ERC2: variants seen among roughly 807,000 people sequenced by gnomAD.
ERC2 encodes ERC protein 2.
Under a neutral mutation model 114.8 loss-of-function variants are expected in ERC2, and 42 were observed. That is an observed-to-expected ratio of 0.37 (90% CI 0.29 to 0.47). ERC2 has a LOEUF of 0.47. ERC2 is among the 20% of genes least tolerant of loss of function. The pLI, the probability that ERC2 is intolerant of heterozygous loss-of-function variation, is 0.99. For missense variants in ERC2, 939 were observed against 1,150.7 expected, an observed-to-expected ratio of 0.82 and a Z score of 2.66; for synonymous variants, 454 against 425.5, an observed-to-expected ratio of 1.07 and a Z score of -0.82.
At chr3:55,974,083 C>T (rs1449093114) in intron 12 of ERC2, among the ~76,000 whole-genome samples, 1 of 152,140 alleles carries the variant, frequency 6.6e-6, no homozygotes. Context: ...AGCACAGATC[C>T]TTTCTATCAG....
chr3:56,465,663 T>A (rs2063511560), intron 1 of ERC2, among the ~76,000 whole-genome samples: 1 of 152,244 alleles, frequency 6.6e-6, no homozygotes, highest in African/African-American at 2.4e-5. Context: ...TTCTTTTAAG[T>A]CATCATCATT....
chr3:56,319,370 G>A (rs1233433273), intron 2 of ERC2, among the ~76,000 whole-genome samples: 1 of 151,520 alleles, frequency 6.6e-6, no homozygotes, highest in Admixed American at 6.6e-5. Context: ...AGGACATTAC[G>A]CTAAATAAAA....
At chr3:56,282,699 C>A (rs1454394140) in intron 3 of ERC2, among the ~76,000 whole-genome samples, 1 of 152,048 alleles carries the variant, frequency 6.6e-6, no homozygotes, top group Non-Finnish European at 1.5e-5. Context: ...GCTGCTGCTG[C>A]TGATTTATGC....
intron 14 of ERC2, among the ~76,000 whole-genome samples, chr3:55,783,845 G>A: frequency 6.6e-6 from 1 of 152,170 alleles, no homozygotes. Flanking sequence ...TAAAAGGACG[G>A]GACAATAACC....
chr3:55,797,167 C>T (rs1191642284), intron 14 of ERC2, among the ~76,000 whole-genome samples: 1 of 152,082 alleles, frequency 6.6e-6, no homozygotes, highest in Non-Finnish European at 1.5e-5. Context: ...CTAGGAAAGG[C>T]CCTCTCAAAA....
chr3:56,423,065 TC>T (rs1466449371), intron 2 of ERC2, among the ~76,000 whole-genome samples: 1 of 152,234 alleles, frequency 6.6e-6, no homozygotes, highest in Non-Finnish European at 1.5e-5. Flanking sequence ...AATGTCTACT[TC>T]TAAAAGAATT....
At chr3:56,058,472 T>C (rs1576747319) in intron 7 of ERC2, among the ~76,000 whole-genome samples, 1 of 152,248 alleles carries the variant, frequency 6.6e-6, no homozygotes, top group Non-Finnish European at 1.5e-5. Flanking sequence ...TGGTGACATG[T>C]GACTGTTAAT....
intron 14 of ERC2, among the ~76,000 whole-genome samples, chr3:55,788,507 G>A (rs1039024652): frequency 6.6e-6 from 1 of 152,178 alleles, no homozygotes. Context: ...CTTCCCTTGA[G>A]AATTCAGCCC....
At chr3:56,346,480 G>GA (rs1335972003) in intron 2 of ERC2, among the ~76,000 whole-genome samples, 1 of 151,904 alleles carries the variant, frequency 6.6e-6, no homozygotes, top group Non-Finnish European at 1.5e-5. Context: ...AATTTACAAA[G>GA]AAAAAAAGTT....
At chr3:55,890,642 A>G (rs2063555796) in intron 13 of ERC2, among the ~76,000 whole-genome samples, 1 of 152,222 alleles carries the variant, frequency 6.6e-6, no homozygotes, top group African/African-American at 2.4e-5. Context: ...CATTTCAGCA[A>G]GAAGCACATG....
intron 2 of ERC2, among the ~76,000 whole-genome samples, chr3:56,341,430 A>G (rs1026424801): frequency 1.3e-5 from 2 of 152,314 alleles, no homozygotes; most frequent in African/African-American, 2.4e-5. Flanking sequence ...ATGCAGAGCA[A>G]TAGAGAATCC....
At chr3:56,323,961 T>C (rs1422529958) in intron 2 of ERC2, among the ~76,000 whole-genome samples, 1 of 152,170 alleles carries the variant, frequency 6.6e-6, no homozygotes, top group African/African-American at 2.4e-5. Context: ...AACCACTTCT[T>C]CCTCTTATTT....
chr3:55,824,470 G>A lies in ERC2; in HGVS notation c.2564+63919C>T, dbSNP rs113663670. On this transcript the variant is annotated intron_variant, in intron 14 of 17. Coordinates refer to ENST00000288221, the MANE Select transcript of ERC2 (RefSeq NM_015576.3). ...AAGAAAAAAACTCCTGTATGTTTTAGCATTTATACATTTTTGGGTCTATGT... is the reference window on the plus strand; with the variant it reads ...AAGAAAAAAACTCCTGTATGTTTTAACATTTATACATTTTTGGGTCTATGT... 3.2e-3 allele frequency among the ~76,000 whole-genome samples: 487 copies of A among 152,284 alleles called. 4 individuals are homozygous for A. Among genetic ancestry groups the A allele is most frequent in the African/African-American group, 0.011 (463 of 41,572 alleles).
chr3:56,458,401 G>C (rs2107554453), intron 1 of ERC2, among the ~76,000 whole-genome samples: 1 of 152,284 alleles, frequency 6.6e-6, no homozygotes, highest in South Asian at 2.1e-4. Flanking sequence ...AAAAGAATCT[G>C]CTCTGAAGTT....
At chr3:55,595,235 T>C (rs2058074723) in intron 17 of ERC2, among the ~76,000 whole-genome samples, 1 of 152,232 alleles carries the variant, frequency 6.6e-6, no homozygotes. Flanking sequence ...GATATCTGTT[T>C]AAATGTCAAC....
chr3:56,374,948 C>G (rs2059485926), intron 2 of ERC2, among the ~76,000 whole-genome samples: 5 of 152,142 alleles, frequency 3.3e-5, no homozygotes. Flanking sequence ...TAATAAACTA[C>G]TAAGCATGAG....
chr3:56,396,886 TAA>T (rs1397859058), intron 2 of ERC2, among the ~76,000 whole-genome samples: 1 of 152,074 alleles, frequency 6.6e-6, no homozygotes, highest in Non-Finnish European at 1.5e-5. Flanking sequence ...CCTTCCACCA[TAA>T]AAAGTCTCTG....
At chr3:55,548,961 A>G (rs2054954219) in intron 17 of ERC2, among the ~76,000 whole-genome samples, 1 of 152,214 alleles carries the variant, frequency 6.6e-6, no homozygotes, top group Non-Finnish European at 1.5e-5. Context: ...TTTTATGTGA[A>G]CTACCAAATT....
chr3:56,043,556 A>G (rs2075309974), intron 7 of ERC2, among the ~76,000 whole-genome samples: 1 of 152,226 alleles, frequency 6.6e-6, no homozygotes, highest in Admixed American at 6.5e-5. Context: ...AGGAAGCAAT[A>G]GGACAAGTAA....
Sources: allele counts gnomAD v4.1 joint callset (sites outside exome capture counted in the v4.1 genomes callset), GRCh38; gene constraint gnomAD v4.1.1; transcripts MANE v1.5; gene names NCBI Gene and HGNC (gene_info 2026-07-23, HGNC 2026-07-21).